CFI: variants seen among roughly 807,000 people sequenced by gnomAD.
CFI encodes the protein C3B/C4B inactivator.
In CFI, 66 loss-of-function variants were observed where a neutral mutation model predicts 78.8. The ratio of observed to expected loss-of-function variants is 0.84; its 90% confidence interval spans 0.69 to 1.03. CFI has a LOEUF of 1.03. Among genes scored for constraint, CFI ranks in the 50% least tolerant of loss-of-function variants. The pLI is 0.00. For synonymous variants in CFI, 250 were observed against 232.6 expected (o/e 1.07, Z -0.68); for missense variants, 706 against 704.5 (o/e 1.00, Z -0.02).
At chr4:109,757,539 A>C (rs915742278) in intron 7 of CFI, among the ~76,000 whole-genome samples, 5 of 152,126 alleles carry the variant, frequency 3.3e-5, no homozygotes, top group Non-Finnish European at 7.4e-5. Context: ...GGAAGAGTCC[A>C]CTCTGGATGG....
At chr4:109,775,814 A>G (rs1330837190) in intron 1 of CFI, among the ~76,000 whole-genome samples, 3 of 152,142 alleles carry the variant, frequency 2.0e-5, no homozygotes, top group Non-Finnish European at 4.4e-5. Flanking sequence ...AGGAAGCAAC[A>G]TTTGCTGTTC....
At chr4:109,764,762 A>G in intron 2 of CFI, 72 bp from the exon 3 acceptor site, 1 of 1,364,798 alleles carries the variant, frequency 7.3e-7, no homozygotes. Context: ...AAGTCTTTAA[A>G]AATAATAATG....
intron 1 of CFI, among the ~76,000 whole-genome samples, chr4:109,775,493 C>A (rs1729111210): frequency 6.6e-6 from 1 of 152,228 alleles, no homozygotes; most frequent in Non-Finnish European, 1.5e-5. Context: ...GTAAACAAAG[C>A]ATCCTGGAAG....
At chr4:109,755,127 G>A (rs904181256) in intron 7 of CFI, among the ~76,000 whole-genome samples, 4 of 152,152 alleles carry the variant, frequency 2.6e-5, no homozygotes, top group African/African-American at 9.7e-5. Flanking sequence ...CAAAGGATGT[G>A]AACCAGTGAA....
chr4:109,732,168 A>C, the CFI span, among the ~76,000 whole-genome samples: 1 of 152,160 alleles, frequency 6.6e-6, no homozygotes, highest in East Asian at 1.9e-4. Flanking sequence ...TTGTGATCTC[A>C]TCTAATTTCT....
downstream of CFI, chr4:109,740,640 T>C: frequency 2.1e-6 from 1 of 485,024 alleles, no homozygotes; most frequent in Non-Finnish European, 3.8e-6. Flanking sequence ...CTTCAGTCAA[T>C]AAATCACTCC....
At chr4:109,744,096 G>A (rs1032183323) in intron 11 of CFI, among the ~76,000 whole-genome samples, 5 of 152,070 alleles carry the variant, frequency 3.3e-5, no homozygotes, top group Non-Finnish European at 7.4e-5. Flanking sequence ...AAAGGAAGGG[G>A]TAACTATTCT....
intron 1 of CFI, among the ~76,000 whole-genome samples, chr4:109,780,442 A>G (rs988301997): frequency 3.9e-5 from 6 of 152,194 alleles, no homozygotes; most frequent in Admixed American, 2.6e-4. Flanking sequence ...CAAAACCACA[A>G]TGAGATACCA....
At chr4:109,766,926 A>G (rs1727841376) in intron 1 of CFI, 102 bp from the exon 2 acceptor site, 3 of 1,142,290 alleles carry the variant, frequency 2.6e-6, no homozygotes, top group Non-Finnish European at 3.9e-6. Flanking sequence ...AGCCCACAGT[A>G]CAGATGAGGA....
intron 6 of CFI, chr4:109,758,096 C>T: frequency 3.6e-6 from 2 of 558,194 alleles, no homozygotes; most frequent in Non-Finnish European, 5.7e-6. Flanking sequence ...CAGAGCTCAT[C>T]CCTAAATAAG....
chr4:109,752,918 AAT>A (rs1199820840), intron 7 of CFI, among the ~76,000 whole-genome samples: 1 of 126,400 alleles, frequency 7.9e-6, no homozygotes, highest in Non-Finnish European at 1.6e-5. Flanking sequence ...AAATATTTAT[AAT>A]ATATATTTAT....
intron 1 of CFI, among the ~76,000 whole-genome samples, chr4:109,781,551 C>T (rs1371051605): frequency 1.3e-5 from 2 of 152,186 alleles, no homozygotes; most frequent in Middle Eastern, 3.4e-3. Context: ...CAGGACCAGA[C>T]AGATTCACAG....
chr4:109,753,700 T>C (rs1348924050), intron 7 of CFI, among the ~76,000 whole-genome samples: 1 of 119,740 alleles, frequency 8.4e-6, no homozygotes, highest in African/African-American at 3.4e-5. Context: ...AATGTATAAT[T>C]TTATATTATA....
downstream of CFI, among the ~76,000 whole-genome samples, chr4:109,737,272 C>T (rs1401763504): frequency 6.6e-6 from 1 of 152,104 alleles, no homozygotes; most frequent in Non-Finnish European, 1.5e-5. Context: ...TTAGCTGCAC[C>T]CTGGGCTCCA....
At chr4:109,760,470 C>T (rs1726911830) in intron 5 of CFI, 53 bp downstream of exon 5, 6 of 1,489,572 alleles carry the variant, frequency 4.0e-6, no homozygotes, top group South Asian at 3.4e-5. Context: ...TGCTTTTCCT[C>T]TTTTAGTCAG....
intron 11 of CFI, 45 bp downstream of exon 11, chr4:109,746,177 A>C: frequency 3.1e-6 from 5 of 1,606,222 alleles, no homozygotes; most frequent in South Asian, 1.1e-5. Flanking sequence ...ATTCTCTTTC[A>C]TTTCCAACTC....
intron 11 of CFI, among the ~76,000 whole-genome samples, chr4:109,742,882 C>T (rs1723978279): frequency 6.6e-6 from 1 of 152,172 alleles, no homozygotes; most frequent in South Asian, 2.1e-4. Flanking sequence ...GGTTGCAGAA[C>T]TCAGTCAGGC....
Position 109,764,532 on chromosome 4 carries a change from C to T in CFI, c.482+5G>A, listed in dbSNP as rs755992770. The T allele has an allele frequency of 1.9e-6, 3 of 1,614,052 alleles. No individual in the cohort carries two copies. Among genetic ancestry groups the T allele is most frequent in the Admixed American group, 1.7e-5 (1 of 60,022 alleles). On this transcript the variant is annotated splice_donor_5th_base_variant and intron_variant, in intron 3 of 12. Coordinates refer to ENST00000394634, the MANE Select transcript of CFI (RefSeq NM_000204.5). ...ATGAGAAAATCCACTGATACAAGCGCTCACTGTTGAAACCCAAGGTCAAGG... is the reference window on the plus strand; with the variant it reads ...ATGAGAAAATCCACTGATACAAGCGTTCACTGTTGAAACCCAAGGTCAAGG...
At chr4:109,779,780 A>G (rs1729753152) in intron 1 of CFI, among the ~76,000 whole-genome samples, 1 of 152,156 alleles carries the variant, frequency 6.6e-6, no homozygotes, top group African/African-American at 2.4e-5. Context: ...TGGTACCAAA[A>G]CAGAGACATA....
Sources: allele counts gnomAD v4.1 joint callset (sites outside exome capture counted in the v4.1 genomes callset), GRCh38; gene constraint gnomAD v4.1.1; transcripts MANE v1.5; gene names NCBI Gene and HGNC (gene_info 2026-07-23, HGNC 2026-07-21).